The following OSBP2 variants were observed in gnomAD, a reference collection of about 807,000 sequenced individuals.
OSBP2 encodes the protein oxysterol binding protein 2, also known as oxysterol-binding protein 2.
In OSBP2, 66 loss-of-function variants were observed where a neutral mutation model predicts 96.0. The ratio of observed to expected loss-of-function variants is 0.69; its 90% CI spans 0.56 to 0.84. The LOEUF (loss-of-function observed/expected upper bound fraction) is 0.84, where lower values mean the gene tolerates loss of function less well. OSBP2 is among the 40% of genes least tolerant of loss of function. The probability of loss-of-function intolerance (pLI) is 0.00; values close to 1 mark genes in which losing one functional copy is unlikely to be tolerated. For synonymous variants in OSBP2, 525 were observed against 520.9 expected, an observed-to-expected ratio of 1.01 and a Z score of -0.11; for missense variants, 1,038 against 1,222.7, an observed-to-expected ratio of 0.85 and a Z score of 2.25.
chr22:30,725,561 C>A (rs9609065), intron 1 of OSBP2, among the ~76,000 whole-genome samples: 25,257 of 150,520 alleles, frequency 0.17, 2,428 homozygotes, highest in Middle Eastern at 0.25. Context: ...AAAAAACACA[C>A]AAAAAAAACA....
rs369691687 is a variant in OSBP2, at chr22:30,856,607, G to A, written c.854-13822G>A. On this transcript the variant is annotated intron_variant, in intron 2 of 13. Coordinates refer to ENST00000332585, the MANE Select transcript of OSBP2 (RefSeq NM_030758.4). ...TTGCCACGTTGGTCAGGCTGGTCTC[G>A]AACTCCTGACCTCAAGTGATCCGCC... is the stretch of plus-strand genomic sequence containing the variant. Among the ~76,000 whole-genome samples, 13 of 151,622 alleles carry A rather than the reference G, an allele frequency of 8.6e-5. No individual in the cohort carries two copies. In the South Asian group the frequency reaches 1.7e-3, roughly 20 times the overall value.
intron 2 of OSBP2, among the ~76,000 whole-genome samples, chr22:30,861,827 C>T (rs934735454): frequency 6.6e-6 from 1 of 152,192 alleles, no homozygotes; most frequent in African/African-American, 2.4e-5. Flanking sequence ...CAGGGGCCCT[C>T]GCCGCTTCTA....
rs902974374 is a variant in OSBP2, at chr22:30,839,569, T to C, written c.854-30860T>C. ...ACTGGTGTGAGATGGTATCTCATTA[T>C]GGTTTTGATTTGCATTTCTCTGATG... On this transcript the variant is annotated intron_variant, in intron 2 of 13. Transcript: ENST00000332585. 1.7e-4 allele frequency among the ~76,000 whole-genome samples: 26 copies of C among 152,156 alleles called. 3 individuals carry two copies. Among genetic ancestry groups the C allele is most frequent in the Admixed American group, 1.4e-3 (22 of 15,298 alleles).
intron 3 of OSBP2, among the ~76,000 whole-genome samples, chr22:30,880,586 G>A (rs2039682698): frequency 1.3e-5 from 2 of 152,184 alleles, no homozygotes; most frequent in Admixed American, 1.3e-4. Context: ...AAGTTTCCAG[G>A]AAGCCACTGA....
At chr22:30,738,218 C>T (rs2145734883) in intron 1 of OSBP2, among the ~76,000 whole-genome samples, 1 of 152,166 alleles carries the variant, frequency 6.6e-6, no homozygotes, top group Non-Finnish European at 1.5e-5. Context: ...GAGAACTGCC[C>T]CTCACCTGGT....
At chr22:30,790,051 G>A (rs1385909360) in intron 2 of OSBP2, among the ~76,000 whole-genome samples, 6 of 152,170 alleles carry the variant, frequency 3.9e-5, no homozygotes, top group African/African-American at 1.2e-4. Flanking sequence ...CCCCATCTCC[G>A]TGCTACAAGG....
At position 30,717,579 on chromosome 22, in the gene OSBP2, G is replaced by A. The variant is rs189917184; in HGVS notation, c.644+22026G>A. ...TCACATCTCTAGGCTTTGCTCACTAGCTATAAAGCCCTGTACTTACAAAAA... is the reference window on the plus strand; with the variant it reads ...TCACATCTCTAGGCTTTGCTCACTAACTATAAAGCCCTGTACTTACAAAAA... On this transcript the variant is annotated intron_variant, in intron 1 of 13. Coordinates refer to ENST00000332585, the MANE Select transcript of OSBP2 (RefSeq NM_030758.4). 1.6e-3 allele frequency among the ~76,000 whole-genome samples: 238 copies of A among 152,290 alleles called. 1 individual carries two copies. The highest frequency in any genetic ancestry group is 5.3e-3 in the African/African-American group (219 of 41,562).
chr22:30,811,480 G>C (rs1237467512), intron 2 of OSBP2, among the ~76,000 whole-genome samples: 1 of 151,252 alleles, frequency 6.6e-6, no homozygotes, highest in Non-Finnish European at 1.5e-5. Context: ...CAAGTAGCTA[G>C]GATTACAGGC....
rs2089012776 is a variant in OSBP2, at chr22:30,695,542, C to G, written c.633C>G (p.Leu211=). 6.2e-7 allele frequency: 1 copy of G among 1,608,316 alleles called. No homozygotes were observed. The highest frequency in any genetic ancestry group is 1.3e-5 in the African/African-American group (1 of 75,012). Residue 211 remains leucine, a synonymous_variant, in exon 1 of 14, where the codon CTC becomes CTG. Transcript: ENST00000332585. ...GGTTCGTGCTGGGCAATGGTTTGCT[C>G]TCTTACTACAGGTATGGAAGCGCCA... The part of the protein sequence containing the change: ...RRWFVLGNGL[L]SYYRNQGEMA...
At chr22:30,778,329 A>ACACACACC (rs1555912363) in intron 2 of OSBP2, among the ~76,000 whole-genome samples, 2 of 151,350 alleles carry the variant, frequency 1.3e-5, no homozygotes, top group African/African-American at 2.4e-5. Context: ...ACACACACAC[A>ACACACACC]CACACCCACT....
intron 3 of OSBP2, among the ~76,000 whole-genome samples, chr22:30,874,120 T>C (rs2039523184): frequency 6.6e-6 from 1 of 152,098 alleles, no homozygotes; most frequent in South Asian, 2.1e-4. Flanking sequence ...ACCTGTAATC[T>C]CAGCTACTTA....
intron 2 of OSBP2, among the ~76,000 whole-genome samples, chr22:30,809,878 A>G (rs1194240336): frequency 6.6e-6 from 1 of 152,166 alleles, no homozygotes; most frequent in African/African-American, 2.4e-5. Flanking sequence ...ATATAGGGAC[A>G]CAAGGAGAAG....
In OSBP2 at chr22:30,879,407, T is replaced by C. The variant is rs142923996; in HGVS notation, c.1108-8019T>C. Among the ~76,000 whole-genome samples the C allele has an allele frequency of 1.9e-4, 29 of 152,356 alleles. No homozygotes were observed. The East Asian group carries it at 5.6e-3, about 29-fold the overall frequency. ...TGGAGAGGCTATTTTAAAGTTTTAATTGGACTGGAAAGCTGCTTCACCAGT... is the reference window on the plus strand; with the variant it reads ...TGGAGAGGCTATTTTAAAGTTTTAACTGGACTGGAAAGCTGCTTCACCAGT... On this transcript the variant is annotated intron_variant, in intron 3 of 13. Coordinates refer to ENST00000332585, the MANE Select transcript of OSBP2 (RefSeq NM_030758.4).
intron 3 of OSBP2, among the ~76,000 whole-genome samples, chr22:30,874,955 T>G (rs1377383752): frequency 6.6e-6 from 1 of 152,170 alleles, no homozygotes; most frequent in Non-Finnish European, 1.5e-5. Context: ...CCAGTGGGCT[T>G]TGTGCTCCCT....
chr22:30,880,664 G>T (rs1405325872), intron 3 of OSBP2, among the ~76,000 whole-genome samples: 5 of 152,172 alleles, frequency 3.3e-5, no homozygotes, highest in African/African-American at 1.2e-4. Context: ...TCACACACAG[G>T]GGACCCAGGC....
intron 3 of OSBP2, among the ~76,000 whole-genome samples, chr22:30,878,216 A>C (rs1189677852): frequency 6.6e-6 from 1 of 152,230 alleles, no homozygotes; most frequent in African/African-American, 2.4e-5. Flanking sequence ...CTCAATGCCA[A>C]TGTCAATGAC....
intron 2 of OSBP2, among the ~76,000 whole-genome samples, chr22:30,822,934 A>G (rs1037950965): frequency 2.6e-5 from 4 of 152,256 alleles, no homozygotes; most frequent in African/African-American, 9.6e-5. Flanking sequence ...GGCTGCGGCT[A>G]GAGACTTGTC....
In OSBP2 at chr22:30,870,869, G is replaced by A. The variant is rs1002500245; in HGVS notation, c.1107+187G>A. Among the ~76,000 whole-genome samples, 5 of 152,202 alleles carry A rather than the reference G, an allele frequency of 3.3e-5. No individual in the cohort carries two copies. The highest frequency in any genetic ancestry group is 1.3e-4 in the Admixed American group (2 of 15,282). On this transcript the variant is annotated intron_variant, in intron 3 of 13. Transcript: ENST00000332585. This position sits in a 1 kb window ranked among gnomAD's most constrained non-coding sequence, Gnocchi z 4.1. The stretch of plus-strand genomic sequence containing the variant: ...AAATCATCTCCTTCACTCGGCCGTC[G>A]TTGGGCAAGGACATTCTTCCTAATT...
chr22:30,763,197 A>G (rs746673718), intron 2 of OSBP2, among the ~76,000 whole-genome samples: 1 of 152,264 alleles, frequency 6.6e-6, no homozygotes, highest in Non-Finnish European at 1.5e-5. Context: ...AGTAAGCTGC[A>G]GTTATTGATA....
Sources: gnomAD v4.1 joint callset for allele counts (sites outside exome capture counted in the v4.1 genomes callset) on GRCh38, gnomAD v4.1.1 for gene constraint, Gnocchi (gnomAD v3.1) non-coding constraint, MANE v1.5 for transcripts, NCBI Gene and HGNC (gene_info 2026-07-23, HGNC 2026-07-21) for gene names.